The following MGAT5 variants were observed in gnomAD, a reference collection of about 807,000 sequenced individuals.
The protein encoded by MGAT5 is alpha-1,6-mannosylglycoprotein 6-beta-N-acetylglucosaminyltransferase.
MGAT5 carries 30 observed loss-of-function variants against 94.3 expected under a neutral mutation model. The ratio of observed to expected loss-of-function variants is 0.32; its 90% CI spans 0.24 to 0.43. The LOEUF (loss-of-function observed/expected upper bound fraction) is 0.43, where lower values mean the gene tolerates loss of function less well. Ranked by LOEUF, MGAT5 falls within the 20% of genes least tolerant of loss-of-function variation. The pLI, the probability that MGAT5 is intolerant of heterozygous loss-of-function variation, is 1.00. For synonymous variants in MGAT5, 310 were observed against 322.9 expected (o/e 0.96, Z 0.43); for missense variants, 691 against 905.5 (o/e 0.76, Z 3.04).
chr2:134,238,679 C>T (rs1681791486), intron 1 of MGAT5, among the ~76,000 whole-genome samples: 1 of 152,224 alleles, frequency 6.6e-6, no homozygotes, highest in African/African-American at 2.4e-5. Context: ...CGTGGTGGCT[C>T]ACTCCTATAA....
At chr2:134,429,458 G>T (rs1189110750) in intron 14 of MGAT5, among the ~76,000 whole-genome samples, 1 of 152,202 alleles carries the variant, frequency 6.6e-6, no homozygotes, top group East Asian at 1.9e-4. Flanking sequence ...GGCACCATGT[G>T]TTTCTAGTTA....
chr2:134,214,046 C>A (rs1298394679), intron 1 of MGAT5, among the ~76,000 whole-genome samples: 1 of 152,202 alleles, frequency 6.6e-6, no homozygotes, highest in Non-Finnish European at 1.5e-5. Context: ...TATTTAGGGA[C>A]CTCAGCCACC....
At chr2:134,237,139 G>GTGTGTGTGTA in intron 1 of MGAT5, among the ~76,000 whole-genome samples, 1 of 137,136 alleles carries the variant, frequency 7.3e-6, no homozygotes, top group African/African-American at 2.6e-5. Flanking sequence ...GTGTGTGTGT[G>GTGTGTGTGTA]TGTGTGTGTG....
chr2:134,263,710 A>G (rs142400976), intron 1 of MGAT5, among the ~76,000 whole-genome samples: 25 of 152,284 alleles, frequency 1.6e-4, no homozygotes, highest in African/African-American at 5.5e-4. Flanking sequence ...TGGTGGCACT[A>G]TCTTTGATTC....
At chr2:134,412,836 T>A (rs1248925573) in intron 11 of MGAT5, 33 bp from the exon 12 acceptor site, 1 of 1,611,034 alleles carries the variant, frequency 6.2e-7, no homozygotes, top group South Asian at 1.1e-5. Flanking sequence ...CTGCCTGATG[T>A]GTTCATACGC....
At chr2:134,177,500 C>T (rs1236949957) in intron 1 of MGAT5, among the ~76,000 whole-genome samples, 9 of 152,232 alleles carry the variant, frequency 5.9e-5, no homozygotes, top group Non-Finnish European at 1.3e-4. Flanking sequence ...CGAGGTCCAG[C>T]TGTGTGCCCA....
intron 4 of MGAT5, among the ~76,000 whole-genome samples, chr2:134,332,726 T>A (rs1349169191): frequency 6.6e-6 from 1 of 151,854 alleles, no homozygotes; most frequent in East Asian, 1.9e-4. Context: ...TACAATGAAC[T>A]CAAACAAATT....
At chr2:134,326,502 C>T (rs1687656812) in intron 4 of MGAT5, among the ~76,000 whole-genome samples, 1 of 151,982 alleles carries the variant, frequency 6.6e-6, no homozygotes, top group Non-Finnish European at 1.5e-5. Context: ...GGCCTGGAAC[C>T]AGCATCTCTA....
At chr2:134,440,958 T>G (rs917131359) in intron 14 of MGAT5, among the ~76,000 whole-genome samples, 27 of 152,196 alleles carry the variant, frequency 1.8e-4, no homozygotes, top group African/African-American at 6.5e-4. Context: ...ATATTAGAAG[T>G]GTTTTGGGTC....
intron 10 of MGAT5, among the ~76,000 whole-genome samples, chr2:134,386,914 A>G (rs949751464): frequency 6.6e-5 from 10 of 152,222 alleles, no homozygotes; most frequent in African/African-American, 2.4e-4. Flanking sequence ...TAAAATAGAA[A>G]ATAACAAAAT....
chr2:134,386,308 G>A (rs904159847), intron 10 of MGAT5, among the ~76,000 whole-genome samples: 2 of 152,008 alleles, frequency 1.3e-5, no homozygotes, highest in African/African-American at 2.4e-5. Context: ...AGACTACATA[G>A]AAAAAAATCA....
At position 134,216,817 on chromosome 2, in the gene MGAT5, G is replaced by C. The variant is rs116443542; in HGVS notation, c.-142-37445G>C. Reference sequence around the variant, plus strand: ...ATGAAGCAGGTGAGAGTGGGATCCTGAGCGGGCTGGGGAGATGTGACTATT... The same window carrying C: ...ATGAAGCAGGTGAGAGTGGGATCCTCAGCGGGCTGGGGAGATGTGACTATT... On this transcript the variant is annotated intron_variant, in intron 1 of 16. Coordinates refer to the MGAT5 transcript ENST00000409645. 5.7e-3 allele frequency among the ~76,000 whole-genome samples: 868 copies of C among 152,332 alleles called. 12 individuals are homozygous for C. The highest frequency in any genetic ancestry group is 0.02 in the African/African-American group (826 of 41,568).
chr2:134,387,115 G>T (rs1282979143), intron 10 of MGAT5, among the ~76,000 whole-genome samples: 2 of 151,246 alleles, frequency 1.3e-5, no homozygotes, highest in Non-Finnish European at 1.5e-5. Context: ...TACAAAATTA[G>T]CTGGGCATGG....
At chr2:134,361,279 G>C (rs996174624) in intron 9 of MGAT5, among the ~76,000 whole-genome samples, 6 of 152,164 alleles carry the variant, frequency 3.9e-5, no homozygotes, top group African/African-American at 1.4e-4. Context: ...GAGGAATTTG[G>C]TTTCATGTTA....
intron 1 of MGAT5, among the ~76,000 whole-genome samples, chr2:134,123,598 G>C (rs1685713733): frequency 6.6e-6 from 1 of 152,170 alleles, no homozygotes; most frequent in Non-Finnish European, 1.5e-5. Flanking sequence ...GTTGGGGGTG[G>C]CATTCTGTGT....
intron 2 of MGAT5, among the ~76,000 whole-genome samples, chr2:134,299,820 T>C (rs967148698): frequency 3.3e-5 from 5 of 152,188 alleles, no homozygotes; most frequent in Non-Finnish European, 7.4e-5. Flanking sequence ...TCTCTCTTCC[T>C]GTAGCAAACA....
rs1686161956 is a variant in MGAT5, at chr2:134,452,575, T to G, written c.*3728T>G. On this transcript the variant is annotated 3_prime_UTR_variant, in exon 16 of 16. Transcript: ENST00000281923. ...GAAACTGTATGTCTGTAGGTAGGTG[T>G]GTGCCTTTTAGGGCAGACCACGGTG... 1 of 152,182 alleles carries G rather than the reference T, an allele frequency of 6.6e-6. No individual in the cohort carries two copies. The highest frequency in any genetic ancestry group is 1.5e-5 in the Non-Finnish European group (1 of 68,030). 9.4% of individuals were successfully genotyped at this position (152,182 alleles called of 1,614,324 possible). A position where few individuals can be genotyped will look rare whatever the true frequency, so the allele number is the denominator to read the frequency against.
chr2:134,163,546 G>GA (rs770680578), intron 1 of MGAT5, among the ~76,000 whole-genome samples: 154 of 152,282 alleles, frequency 1.0e-3, no homozygotes, highest in Admixed American at 3.7e-3. Context: ...GTAATGTTGA[G>GA]AAAAAAGGCA....
At chr2:134,216,989 A>T (rs1680528932) in intron 1 of MGAT5, among the ~76,000 whole-genome samples, 1 of 152,160 alleles carries the variant, frequency 6.6e-6, no homozygotes, top group Non-Finnish European at 1.5e-5. Context: ...AGATAACGGA[A>T]TGCTGTTTCC....
Sources: allele counts gnomAD v4.1 joint callset (sites outside exome capture counted in the v4.1 genomes callset), GRCh38; gene constraint gnomAD v4.1.1; transcripts MANE v1.5; gene names NCBI Gene and HGNC (gene_info 2026-07-23, HGNC 2026-07-21).